Variants in CHIT1 observed in about 807,000 individuals in gnomAD.
The protein encoded by CHIT1 is chitotriosidase-1.
Under a neutral mutation model 52.0 loss-of-function variants are expected in CHIT1, and 47 were observed. The ratio of observed to expected loss-of-function variants is 0.90; its 90% CI spans 0.71 to 1.15. The LOEUF (loss-of-function observed/expected upper bound fraction) is 1.15. Ranked by LOEUF, CHIT1 falls within the 50% of genes most tolerant of loss-of-function variation. CHIT1 has a pLI of 0.00. For missense variants in CHIT1, 569 were observed against 583.0 expected (o/e 0.98, Z 0.25); for synonymous variants, 242 against 228.2 (o/e 1.06, Z -0.54).
In CHIT1 at chr1:203,227,796, C is replaced by T. The variant is rs116857149; in HGVS notation, c.55+737G>A. ...GAGAAATCTTCCACCTCTCATCTTC[C>T]CCATGTTTGCTGTTTCTGTGCCCCC... On this transcript the variant is annotated intron_variant, in intron 2 of 10. Transcript: ENST00000367229. 1.8e-3 allele frequency among the ~76,000 whole-genome samples: 268 copies of T among 152,330 alleles called. 11 individuals are homozygous for T. In the East Asian group the frequency reaches 0.047, roughly 27 times the overall value.
rs752277107 is a variant in CHIT1, at chr1:203,223,209, G to C, written c.531C>G (p.Arg177=). ...QQEAQTSGKE[R]LLLSAAVPAG... ...CTGGAACCGCTGCACTCAGAAGAAG[G>C]CGTTCCTTCCCTGAGGTCTGGGCTT... is the stretch of plus-strand genomic sequence containing the variant. Residue 177 remains arginine (R), a synonymous_variant, in exon 6 of 11, where the codon CGC becomes CGG. Transcript: ENST00000367229. The C allele has an allele frequency of 8.7e-6, 14 of 1,614,234 alleles. No homozygotes were observed. In the South Asian group the frequency reaches 1.5e-4, roughly 18 times the overall value.
Position 203,217,670 on chromosome 1 carries a change from T to C in CHIT1, c.1156+69A>G, listed in dbSNP as rs563453754. 4.8e-5 allele frequency: 78 copies of C among 1,611,048 alleles called. No individual in the cohort carries two copies. In the African/African-American group the frequency reaches 5.9e-4, roughly 12 times the overall value. ...AGAAGGACCCGGGACCTACAGTTCA[T>C]TGGATGCATGGAGCTGTGTTTGTAC... On this transcript the variant is annotated intron_variant, in intron 10 of 10. Transcript: ENST00000367229.
intron 4 of CHIT1, among the ~76,000 whole-genome samples, chr1:203,224,162 A>ATCT (rs1304586407): frequency 1.3e-5 from 2 of 152,118 alleles, no homozygotes; most frequent in Non-Finnish European, 2.9e-5. Context: ...TAACCTGGTC[A>ATCT]TCTTTCTTTT....
chr1:203,220,925 A>T (rs1043073824), intron 7 of CHIT1, among the ~76,000 whole-genome samples: 3 of 152,166 alleles, frequency 2.0e-5, no homozygotes, highest in Non-Finnish European at 4.4e-5. Flanking sequence ...CGGTGGATTC[A>T]AGGTACACAA....
At chr1:203,223,299 C>T (rs1412819424) in intron 5 of CHIT1, 40 bp from the exon 6 acceptor site, 3 of 1,611,364 alleles carry the variant, frequency 1.9e-6, no homozygotes, top group Middle Eastern at 1.7e-4. Flanking sequence ...GGGGCGCGCA[C>T]CAGGCAGGCA....
rs200225650 is a variant in CHIT1 at position 203,222,184 on chromosome 1, C to T, written c.729+18G>A. On this transcript the variant is annotated intron_variant, in intron 7 of 10. Coordinates refer to ENST00000367229, the MANE Select transcript of CHIT1 (RefSeq NM_003465.3). ...GCTGGACAGGGGAGTCCTGCCTCAGCCCTCCTGCCACACGTACCACGTTGA... is the reference window on the plus strand; with the variant it reads ...GCTGGACAGGGGAGTCCTGCCTCAGTCCTCCTGCCACACGTACCACGTTGA... The T allele has an allele frequency of 3.6e-5, 58 of 1,613,384 alleles. No homozygotes were observed. Among genetic ancestry groups the T allele is most frequent in the Non-Finnish European group, 4.7e-5 (56 of 1,179,994 alleles).
Position 203,219,251 on chromosome 1 carries a change from CCCACTGGTTGTCCCGGAAGATGTAGGGCA to C in CHIT1, c.965_993del (p.Val322GlyfsTer4), listed in dbSNP as rs536102546. On this transcript the variant is annotated frameshift_variant, in exon 9 of 11. Transcript: ENST00000367229. LOFTEE classifies it high-confidence loss of function. Reference sequence around the variant, plus strand: ...AAGCTCTCCACATCATCAAAGCCCACCCACTGGTTGTCCCGGAAGATGTAGGGCACCTTCTGATCCTGGATTCTCTGTTT... The same window carrying C: ...AAGCTCTCCACATCATCAAAGCCCACCCTTCTGATCCTGGATTCTCTGTTT... 4,090 of 1,611,096 alleles carry C rather than the reference CCCACTGGTTGTCCCGGAAGATGTAGGGCA, an allele frequency of 2.5e-3. 8 individuals carry two copies. The highest frequency in any genetic ancestry group is 2.8e-3 in the Non-Finnish European group (3,240 of 1,177,174).
At chr1:203,225,953 G>A (rs1656915213) in intron 2 of CHIT1, 83 bp from the exon 3 acceptor site, 1 of 1,428,944 alleles carries the variant, frequency 7.0e-7, no homozygotes, top group Non-Finnish European at 9.7e-7. Flanking sequence ...GGTAGGCAAT[G>A]TCCTTGGACC....
rs1282148472 is a variant in CHIT1, at chr1:203,225,107, G to A, written c.258-3C>T. On this transcript the variant is annotated splice_region_variant and splice_polypyrimidine_tract_variant and intron_variant, in intron 3 of 10. Coordinates refer to ENST00000367229, the MANE Select transcript of CHIT1 (RefSeq NM_003465.3). ...ACAGGGTCTTCAGCTTGGGATTCCTGGGAAAGACAGGAGACACAGCAGGAT... is the reference window on the plus strand; with the variant it reads ...ACAGGGTCTTCAGCTTGGGATTCCTAGGAAAGACAGGAGACACAGCAGGAT... 1 of 1,613,714 alleles carries A rather than the reference G, an allele frequency of 6.2e-7. No homozygotes were observed. The highest frequency in any genetic ancestry group is 1.1e-5 in the South Asian group (1 of 91,054).
chr1:203,223,731 G>T, intron 4 of CHIT1, 71 bp from the exon 5 acceptor site: 2 of 1,501,136 alleles, frequency 1.3e-6, no homozygotes, highest in Non-Finnish European at 1.9e-6. Context: ...TCAGAAGCAG[G>T]CAAGAAAACA....
chr1:203,216,834 T>C lies in CHIT1; in HGVS notation c.*55A>G, dbSNP rs753548866. 5.0e-6 allele frequency: 8 copies of C among 1,611,450 alleles called. No homozygotes were observed. Among genetic ancestry groups the C allele is most frequent in the Admixed American group, 1.7e-5 (1 of 59,994 alleles). On this transcript the variant is annotated 3_prime_UTR_variant, in exon 11 of 11. Coordinates refer to ENST00000367229, the MANE Select transcript of CHIT1 (RefSeq NM_003465.3). ...CCCAGGGAAAACCCAGGAGGCAGGC[T>C]GTAGAGTGATCCTGGGCCCAGCCTC... is the stretch of plus-strand genomic sequence containing the variant.
rs1417161711 is a variant in CHIT1 at position 203,223,271 on chromosome 1, G to A, written c.481-12C>T. On this transcript the variant is annotated splice_polypyrimidine_tract_variant and intron_variant, in intron 5 of 10. Transcript: ENST00000367229. ...GCATTGGCCAAGTCCTGTGGGAGTGGAGCTCAGAGTCAACACAGGGGCGCG... is the reference window on the plus strand; with the variant it reads ...GCATTGGCCAAGTCCTGTGGGAGTGAAGCTCAGAGTCAACACAGGGGCGCG... 6.2e-7 allele frequency: 1 copy of A among 1,614,016 alleles called. No individual in the cohort carries two copies. The highest frequency in any genetic ancestry group is 1.3e-5 in the African/African-American group (1 of 74,930).
chr1:203,226,321 CT>C (rs1656930001), intron 2 of CHIT1, among the ~76,000 whole-genome samples: 1 of 152,190 alleles, frequency 6.6e-6, no homozygotes, highest in African/African-American at 2.4e-5. Context: ...AGGGTCTCCC[CT>C]CCAGGCCCTG....
intron 9 of CHIT1, chr1:203,218,179 G>A (rs1656607676): frequency 1.1e-5 from 13 of 1,234,648 alleles, no homozygotes; most frequent in Non-Finnish European, 1.4e-5. Flanking sequence ...GGTCATGTGT[G>A]GGCTGAGCTG....
rs751074169 is a variant in CHIT1, at chr1:203,216,286, C to G, written c.*603G>C. The G allele has an allele frequency of 8.8e-5, 40 of 453,944 alleles. No homozygotes were observed. Among genetic ancestry groups the G allele is most frequent in the African/African-American group, 7.8e-4 (39 of 49,974 alleles). The allele number at this position is 453,944 out of a possible 1,614,324, so 28.1% of individuals were successfully genotyped here. ...CAAAGGGCCCAAACAGGATTTATCT[C>G]GAAGACCCCTGAGTACCAGGGGTCT... On this transcript the variant is annotated 3_prime_UTR_variant, in exon 11 of 11. Coordinates refer to ENST00000367229, the MANE Select transcript of CHIT1 (RefSeq NM_003465.3).
Position 203,225,714 on chromosome 1 carries a change from C to T in CHIT1, c.212G>A (p.Trp71Ter). Residue 71 changes from tryptophan to a stop codon, truncating the protein, a stop_gained, in exon 3 of 11, where the codon TGG becomes TAG. Transcript: ENST00000367229. LOFTEE classifies it high-confidence loss of function. ...CTCCTGGTAGAGAGTCTCGTCATTC[C>T]ACTCAGTGGTGCTCAGCTGGTGGTT... The part of the protein sequence containing the change: ...MTNHQLSTTE[W>*]NDETLYQEFN... The T allele has an allele frequency of 1.2e-6, 2 of 1,614,152 alleles. No homozygotes were observed. Among genetic ancestry groups the T allele is most frequent in the African/African-American group, 1.3e-5 (1 of 75,030 alleles).
Position 203,225,744 on chromosome 1 carries a change from A to C in CHIT1, c.182T>G (p.Met61Arg), listed in dbSNP as rs538130920. The change falls in exon 3 of 11, where the codon ATG becomes AGG. Residue 61 changes from methionine (M) to arginine (R), a missense_variant. Physicochemically the swap from Met to Arg is moderately conservative, Grantham distance 91. Coordinates refer to ENST00000367229, the MANE Select transcript of CHIT1 (RefSeq NM_003465.3). ...AGTGGTGCTCAGCTGGTGGTTGGTC[A>C]TGCCAGCGAAGGCGTAGATGAGGTG... is the stretch of plus-strand genomic sequence containing the variant. The part of the protein sequence containing the change: ...CTHLIYAFAG[M>R]TNHQLSTTEW... The C allele has an allele frequency of 8.7e-6, 14 of 1,614,180 alleles. No individual in the cohort carries two copies. The South Asian group carries it at 1.4e-4, about 16-fold the overall frequency.
upstream of CHIT1, chr1:203,229,901 G>A (rs1657073326): frequency 9.2e-6 from 5 of 540,592 alleles, no homozygotes; most frequent in South Asian, 9.3e-5. Flanking sequence ...AAAGCGGGAA[G>A]TGGCCCTGAA....
chr1:203,226,749 G>A (rs3766537), intron 2 of CHIT1, among the ~76,000 whole-genome samples: 7 of 150,114 alleles, frequency 4.7e-5, no homozygotes, highest in African/African-American at 1.2e-4. Flanking sequence ...GTGAGGGCTC[G>A]GTGGTGATGA....
Sources: gnomAD v4.1 joint callset for allele counts (sites outside exome capture counted in the v4.1 genomes callset) on GRCh38, gnomAD v4.1.1 for gene constraint, MANE v1.5 for transcripts, NCBI Gene and HGNC (gene_info 2026-07-23, HGNC 2026-07-21) for gene names.